The following LRRC49 variants were observed in gnomAD, a reference collection of about 807,000 sequenced individuals.
The protein encoded by LRRC49 is leucine-rich repeat-containing protein 49.
A neutral mutation model predicts 83.3 loss-of-function variants in LRRC49; 50 were observed. The observed-to-expected ratio is 0.60, with a 90% CI of 0.48 to 0.76. The LOEUF (loss-of-function observed/expected upper bound fraction) is 0.76. Among genes scored for constraint, LRRC49 ranks in the 30% least tolerant of loss-of-function variants. The pLI is 0.00. For missense variants in LRRC49, 704 were observed against 809.1 expected (o/e 0.87, Z 1.58); for synonymous variants, 286 against 283.3 (o/e 1.01, Z -0.10).
At chr15:70,931,949 A>T (rs766061535) in intron 7 of LRRC49, among the ~76,000 whole-genome samples, 23 of 152,196 alleles carry the variant, frequency 1.5e-4, no homozygotes, top group Non-Finnish European at 3.1e-4. Context: ...GCCTATGGTT[A>T]TGAAATTGAG....
chr15:70,945,050 TACTC>T (rs1206039456), intron 8 of LRRC49, among the ~76,000 whole-genome samples: 1 of 152,190 alleles, frequency 6.6e-6, no homozygotes, highest in East Asian at 1.9e-4. Flanking sequence ...TTTAGCCAAA[TACTC>T]AAGAGACCCC....
At chr15:70,935,889 C>G (rs986257539) in intron 7 of LRRC49, among the ~76,000 whole-genome samples, 1 of 152,028 alleles carries the variant, frequency 6.6e-6, no homozygotes, top group Non-Finnish European at 1.5e-5. Flanking sequence ...GTAGTAACCT[C>G]GATTGGTCAC....
At chr15:70,988,905 T>G (rs1452165550) in intron 11 of LRRC49, among the ~76,000 whole-genome samples, 1 of 152,224 alleles carries the variant, frequency 6.6e-6, no homozygotes, top group East Asian at 1.9e-4. Context: ...AAGCTTAGTT[T>G]GGCTGTATAT....
chr15:70,871,807 G>A (rs899464781), intron 1 of LRRC49, among the ~76,000 whole-genome samples: 34 of 149,870 alleles, frequency 2.3e-4, no homozygotes, highest in Non-Finnish European at 1.9e-4. Flanking sequence ...GGGGCGGGGG[G>A]GTAGAGGCGC....
chr15:70,966,606 AT>A (rs1198421973), intron 9 of LRRC49, among the ~76,000 whole-genome samples: 3 of 152,120 alleles, frequency 2.0e-5, no homozygotes, highest in Non-Finnish European at 4.4e-5. Context: ...ATGATATAAA[AT>A]ATTTTTTCTT....
At chr15:71,009,644 T>C (rs2038582995) in intron 12 of LRRC49, 163 bp from the exon 13 acceptor site, 1 of 499,702 alleles carries the variant, frequency 2.0e-6, no homozygotes. Flanking sequence ...ATTAAAGTTA[T>C]GTAAGTTTAG....
At chr15:70,911,845 T>C (rs2034564321) in intron 6 of LRRC49, among the ~76,000 whole-genome samples, 1 of 152,148 alleles carries the variant, frequency 6.6e-6, no homozygotes, top group African/African-American at 2.4e-5. Flanking sequence ...TAACTTATTT[T>C]TAAAGTACAC....
intron 8 of LRRC49, among the ~76,000 whole-genome samples, chr15:70,938,371 G>A (rs1215996364): frequency 1.3e-5 from 2 of 152,086 alleles, no homozygotes; most frequent in Non-Finnish European, 2.9e-5. Context: ...AAAGATAGAA[G>A]TCAGCTGACA....
chr15:71,015,249 G>C (rs1174718356), intron 14 of LRRC49, among the ~76,000 whole-genome samples: 1 of 152,104 alleles, frequency 6.6e-6, no homozygotes, highest in Admixed American at 6.6e-5. Context: ...TAACTTTGTG[G>C]GAAAAGACTA....
At chr15:70,887,766 T>TA (rs1203183646), upstream of LRRC49, among the ~76,000 whole-genome samples, 1 of 152,094 alleles carries the variant, frequency 6.6e-6, no homozygotes, top group Admixed American at 6.5e-5. Context: ...GAATACGAAA[T>TA]AAAAACACGA....
intron 9 of LRRC49, among the ~76,000 whole-genome samples, chr15:70,977,636 C>T (rs1241640112): frequency 6.6e-6 from 1 of 152,044 alleles, no homozygotes; most frequent in Non-Finnish European, 1.5e-5. Context: ...ACAAGCAAGA[C>T]ACAAGACTGT....
At chr15:70,915,908 A>T (rs951610869) in intron 6 of LRRC49, among the ~76,000 whole-genome samples, 5 of 152,228 alleles carry the variant, frequency 3.3e-5, no homozygotes, top group African/African-American at 1.2e-4. Flanking sequence ...GATGGAACCT[A>T]GATGGTGTTT....
chr15:70,861,644 G>A lies in LRRC49; in HGVS notation c.-299+8175G>A, dbSNP rs192448903. On this transcript the variant is annotated intron_variant, in intron 1 of 16. Transcript: ENST00000544974. ...GCTCTCATAATATTAATTTCTTTGT[G>A]GCATATTATCAAATTGTTTTGACAC... is the stretch of plus-strand genomic sequence containing the variant. Among the ~76,000 whole-genome samples, 3 of 152,114 alleles carry A rather than the reference G, an allele frequency of 2.0e-5. No individual in the cohort carries two copies. In the East Asian group the frequency reaches 5.8e-4, roughly 29 times the overall value.
chr15:71,015,653 A>G (rs1289315697), intron 14 of LRRC49, among the ~76,000 whole-genome samples: 1 of 152,216 alleles, frequency 6.6e-6, no homozygotes, highest in East Asian at 1.9e-4. Context: ...GGAACCCCTG[A>G]TATACAGCAT....
intron 3 of LRRC49, chr15:70,898,322 C>T (rs920354276): frequency 1.5e-6 from 1 of 664,472 alleles, no homozygotes; most frequent in African/African-American, 1.8e-5. Flanking sequence ...TCTTAGTAAA[C>T]TGGAAAAACA....
intron 8 of LRRC49, among the ~76,000 whole-genome samples, chr15:70,958,975 ATTC>A (rs2036498751): frequency 6.6e-6 from 1 of 152,190 alleles, no homozygotes. Context: ...TACCATGAAT[ATTC>A]TATATCATCT....
Position 70,909,731 on chromosome 15 carries a change from C to T in LRRC49, c.501-1801C>T, listed in dbSNP as rs375028051. ...GCTCGCACCTGTGGTCCCAGCTACT[C>T]GAGAGGCTGAGGCAGGAGAATCACT... On this transcript the variant is annotated intron_variant, in intron 5 of 15. Coordinates refer to ENST00000260382, the MANE Select transcript of LRRC49 (RefSeq NM_017691.5). Among the ~76,000 whole-genome samples the T allele has an allele frequency of 4.0e-5, 6 of 151,864 alleles. No homozygotes were observed. The East Asian group carries it at 1.2e-3, about 30-fold the overall frequency.
intron 11 of LRRC49, among the ~76,000 whole-genome samples, chr15:70,990,650 G>A (rs796510423): frequency 8.5e-5 from 13 of 152,246 alleles, no homozygotes; most frequent in African/African-American, 2.9e-4. Context: ...ACTGTCCTGC[G>A]CCCACTGTCT....
rs2039992902 is a variant in LRRC49, at chr15:71,051,408, A to G, written c.*1796A>G. ...GCTTTCTGATCCTTTAGCCTCTCCA[A>G]ACTGAAACATATGGACCATTTCTCA... On this transcript the variant is annotated 3_prime_UTR_variant, in exon 16 of 16. Coordinates refer to ENST00000260382, the MANE Select transcript of LRRC49 (RefSeq NM_017691.5). 2 of 152,232 alleles carry G rather than the reference A, an allele frequency of 1.3e-5. No homozygotes were observed. The highest frequency in any genetic ancestry group is 2.1e-4 in the South Asian group (1 of 4,834). 9.4% of individuals were successfully genotyped at this position (152,232 alleles called of 1,614,324 possible).
Sources: gnomAD v4.1 joint callset for allele counts (sites outside exome capture counted in the v4.1 genomes callset) on GRCh38, gnomAD v4.1.1 for gene constraint, MANE v1.5 for transcripts, NCBI Gene and HGNC (gene_info 2026-07-23, HGNC 2026-07-21) for gene names.